ATPSCKMT: variants seen among roughly 807,000 people sequenced by gnomAD.
ATPSCKMT encodes the protein ATP synthase c subunit lysine N-methyltransferase.
Under a neutral mutation model 24.3 loss-of-function variants are expected in ATPSCKMT, and 24 were observed. The ratio of observed to expected loss-of-function variants is 0.99; its 90% CI spans 0.71 to 1.39. The LOEUF (loss-of-function observed/expected upper bound fraction) is 1.39. ATPSCKMT is among the 40% of genes most tolerant of loss of function. ATPSCKMT has a pLI of 0.00. For missense variants in ATPSCKMT, 311 were observed against 298.4 expected, an observed-to-expected ratio of 1.04 and a Z score of -0.31; for synonymous variants, 95 against 110.5, an observed-to-expected ratio of 0.86 and a Z score of 0.88.
chr5:10,245,002 C>G (rs2578624), intron 1 of ATPSCKMT, among the ~76,000 whole-genome samples: 2 of 151,876 alleles, frequency 1.3e-5, no homozygotes, highest in Non-Finnish European at 2.9e-5. Flanking sequence ...TTGTACAGTA[C>G]AGCAGTTAAG....
rs780925761 is a variant in ATPSCKMT at position 10,249,866 on chromosome 5, C to G, written c.8G>C (p.Gly3Ala). 1.3e-6 allele frequency: 2 copies of G among 1,554,962 alleles called. No individual in the cohort carries two copies. The highest frequency in any genetic ancestry group is 1.7e-6 in the Non-Finnish European group (2 of 1,155,946). ...AGCCGCTCCAGCCTCACCTCCTCCT[C>G]CCTCCATCGCGAGATTTCCAACAGC... is the stretch of plus-strand genomic sequence containing the variant. Reference protein sequence around the residue: MEGGGGIPLETLK... With the variant: MEAGGGIPLETLK... Residue 3 changes from glycine to alanine, a missense_variant, in exon 1 of 5, where the codon GGA becomes GCA. Coordinates refer to ENST00000511437, the MANE Select transcript of ATPSCKMT (RefSeq NM_199133.4).
At chr5:10,247,275 GT>G (rs1459801572) in intron 1 of ATPSCKMT, among the ~76,000 whole-genome samples, 1 of 152,216 alleles carries the variant, frequency 6.6e-6, no homozygotes, top group Non-Finnish European at 1.5e-5. Flanking sequence ...TTTGGAAGAA[GT>G]TACTATGTAC....
chr5:10,240,747 G>A (rs1744600095), intron 1 of ATPSCKMT, among the ~76,000 whole-genome samples: 1 of 152,132 alleles, frequency 6.6e-6, no homozygotes. Flanking sequence ...TGTAATCCCA[G>A]CACTTTGGGA....
intron 1 of ATPSCKMT, among the ~76,000 whole-genome samples, chr5:10,239,948 C>T (rs956856124): frequency 9.9e-5 from 15 of 152,098 alleles, no homozygotes; most frequent in Admixed American, 2.0e-4. Flanking sequence ...AAAATAAGGC[C>T]GGGCGTGGTG....
chr5:10,239,998 G>C (rs555522143), intron 1 of ATPSCKMT, among the ~76,000 whole-genome samples: 1 of 151,624 alleles, frequency 6.6e-6, no homozygotes, highest in South Asian at 2.1e-4. Context: ...AGGCCAAGGC[G>C]GGCCGATCAC....
At chr5:10,248,930 G>A (rs1404837940) in intron 1 of ATPSCKMT, among the ~76,000 whole-genome samples, 1 of 152,126 alleles carries the variant, frequency 6.6e-6, no homozygotes, top group African/African-American at 2.4e-5. Context: ...AGATTTAGAG[G>A]ACAGCTGCGG....
At chr5:10,247,053 G>C (rs1472095546) in intron 1 of ATPSCKMT, among the ~76,000 whole-genome samples, 1 of 152,272 alleles carries the variant, frequency 6.6e-6, no homozygotes, top group African/African-American at 2.4e-5. Context: ...CTGAAGGCCA[G>C]GCTGAATGTG....
intron 1 of ATPSCKMT, among the ~76,000 whole-genome samples, chr5:10,239,787 A>G (rs1297903284): frequency 6.6e-6 from 1 of 152,234 alleles, no homozygotes; most frequent in Non-Finnish European, 1.5e-5. Context: ...GTAGAATTAA[A>G]GGATTCCACA....
At chr5:10,233,415 T>C (rs1015007919) in intron 4 of ATPSCKMT, among the ~76,000 whole-genome samples, 3 of 152,174 alleles carry the variant, frequency 2.0e-5, no homozygotes, top group Non-Finnish European at 4.4e-5. Flanking sequence ...CAAATCTCTA[T>C]TACAGGGAAC....
At chr5:10,235,375 G>C in intron 3 of ATPSCKMT, 114 bp from the exon 4 acceptor site, 1 of 842,560 alleles carries the variant, frequency 1.2e-6, no homozygotes, top group Non-Finnish European at 2.0e-6. Flanking sequence ...GGTGGGTTTT[G>C]ATGAACTCCT....
At chr5:10,245,989 C>T (rs1324766160) in intron 1 of ATPSCKMT, among the ~76,000 whole-genome samples, 2 of 152,102 alleles carry the variant, frequency 1.3e-5, no homozygotes, top group African/African-American at 4.8e-5. Context: ...TTTTTATATT[C>T]AGATACATGC....
At chr5:10,230,220 T>C (rs1744063567) in intron 4 of ATPSCKMT, among the ~76,000 whole-genome samples, 1 of 152,074 alleles carries the variant, frequency 6.6e-6, no homozygotes, top group Non-Finnish European at 1.5e-5. Context: ...ACAGAATAAA[T>C]TCTATTAAGG....
intron 4 of ATPSCKMT, 56 bp downstream of exon 4, chr5:10,235,155 G>C (rs1744315741): frequency 6.5e-7 from 1 of 1,544,490 alleles, no homozygotes; most frequent in Admixed American, 1.7e-5. Context: ...GTTGTGGCTG[G>C]AAGGGCCTTC....
intron 4 of ATPSCKMT, 61 bp from the exon 5 acceptor site, chr5:10,227,708 T>C: frequency 4.7e-6 from 7 of 1,493,382 alleles, no homozygotes; most frequent in Non-Finnish European, 6.3e-6. Context: ...GATCCCAAAA[T>C]TTCCTGTTTT....
At chr5:10,243,733 T>C (rs1024799030) in intron 1 of ATPSCKMT, among the ~76,000 whole-genome samples, 3 of 152,228 alleles carry the variant, frequency 2.0e-5, no homozygotes, top group African/African-American at 7.2e-5. Context: ...TGCTCTAGAT[T>C]AGGCTTTGGC....
chr5:10,233,532 T>C (rs1283794848), intron 4 of ATPSCKMT, among the ~76,000 whole-genome samples: 1 of 151,922 alleles, frequency 6.6e-6, no homozygotes, highest in Non-Finnish European at 1.5e-5. Context: ...TGGACAGTAA[T>C]CACAAAAGTA....
intron 1 of ATPSCKMT, among the ~76,000 whole-genome samples, chr5:10,245,231 T>A (rs1744854724): frequency 6.6e-6 from 1 of 151,572 alleles, no homozygotes; most frequent in Admixed American, 6.6e-5. Context: ...CTATCCTGGC[T>A]AACACAGTGA....
At chr5:10,240,002 C>T (rs558287570) in intron 1 of ATPSCKMT, among the ~76,000 whole-genome samples, 34 of 150,666 alleles carry the variant, frequency 2.3e-4, no homozygotes, top group Admixed American at 1.1e-3. Context: ...CAAGGCGGGC[C>T]GATCACGAGG....
At chr5:10,246,335 G>A (rs59564280) in intron 1 of ATPSCKMT, among the ~76,000 whole-genome samples, 15,754 of 152,112 alleles carry the variant, frequency 0.1, 1,553 homozygotes, top group African/African-American at 0.26. Context: ...TTGGGAGGCT[G>A]GGGGCAAGAG....
Sources: allele counts gnomAD v4.1 joint callset (sites outside exome capture counted in the v4.1 genomes callset), GRCh38; gene constraint gnomAD v4.1.1; transcripts MANE v1.5; gene names NCBI Gene and HGNC (gene_info 2026-07-23, HGNC 2026-07-21).